The following CUBN variants were observed in gnomAD, a reference collection of about 807,000 sequenced individuals.
CUBN encodes the protein 460 kDa receptor.
In CUBN, 282 loss-of-function variants were observed where a neutral mutation model predicts 405.3. The ratio of observed to expected loss-of-function variants is 0.70; its 90% CI spans 0.63 to 0.77. The LOEUF is 0.77. CUBN is among the 30% of genes least tolerant of loss of function. The probability of loss-of-function intolerance (pLI) is 0.00; values close to 1 mark genes in which losing one functional copy is unlikely to be tolerated. For synonymous variants in CUBN, 1,684 were observed against 1,617.0 expected (o/e 1.04, Z -0.99); for missense variants, 4,514 against 4,475.2 (o/e 1.01, Z -0.25).
At chr10:17,041,691 T>C (rs1318078535) in intron 26 of CUBN, among the ~76,000 whole-genome samples, 1 of 152,086 alleles carries the variant, frequency 6.6e-6, no homozygotes, top group Non-Finnish European at 1.5e-5. Flanking sequence ...CAAAATCCTA[T>C]GGGAATGCTA....
intron 27 of CUBN, among the ~76,000 whole-genome samples, chr10:17,027,424 T>C (rs1323060218): frequency 1.3e-5 from 2 of 152,118 alleles, no homozygotes; most frequent in African/African-American, 4.8e-5. Context: ...CCTTCGAATA[T>C]TAAAATAAAA....
chr10:17,078,720 TG>T (rs1835906114), intron 17 of CUBN, among the ~76,000 whole-genome samples: 2 of 152,158 alleles, frequency 1.3e-5, no homozygotes, highest in Non-Finnish European at 1.5e-5. Flanking sequence ...CTATTACACA[TG>T]AGGAAGCTGT....
chr10:17,043,763 C>G, intron 26 of CUBN, 64 bp downstream of exon 26: 2 of 1,601,870 alleles, frequency 1.2e-6, no homozygotes, highest in Non-Finnish European at 1.7e-6. Flanking sequence ...TTCACACTTA[C>G]TCTGCTGGTA....
intron 27 of CUBN, among the ~76,000 whole-genome samples, chr10:17,023,276 G>C (rs1455315234): frequency 1.3e-5 from 2 of 150,986 alleles, no homozygotes; most frequent in Non-Finnish European, 2.9e-5. Context: ...CCTTTGGGGG[G>C]AGAAAATTAT....
rs201361280 is a variant in CUBN, at chr10:17,123,601, G to A, written c.476C>T (p.Pro159Leu). 4 of 1,613,138 alleles carry A rather than the reference G, an allele frequency of 2.5e-6. No homozygotes were observed. The African/African-American group carries it at 5.3e-5, about 22-fold the overall frequency. ...TAGATGACTCACCTTCCACTGTGGG[G>A]GACAGATACAAAAAAAGGAATCATG... ...NLHDSFFCICPPQWKGPLCSA... is the reference protein window; with the variant it reads ...NLHDSFFCICLPQWKGPLCSA... The change falls in exon 5 of 67, where the codon CCC becomes CTC. Residue 159 changes from proline (P) to leucine (L), a missense_variant. Pro to Leu is a moderately conservative substitution (Grantham distance 98). Coordinates refer to ENST00000377833, the MANE Select transcript of CUBN (RefSeq NM_001081.4).
intron 56 of CUBN, among the ~76,000 whole-genome samples, chr10:16,885,956 T>C (rs552737383): frequency 4.6e-5 from 7 of 152,350 alleles, no homozygotes; most frequent in East Asian, 1.9e-4. Flanking sequence ...TGACAACTCT[T>C]AATGTACTGG....
chr10:16,844,330 G>C (rs972097452), intron 60 of CUBN, among the ~76,000 whole-genome samples: 1 of 151,502 alleles, frequency 6.6e-6, no homozygotes, highest in African/African-American at 2.4e-5. Flanking sequence ...CAGCCAGACA[G>C]TAATAAATGC....
intron 55 of CUBN, among the ~76,000 whole-genome samples, chr10:16,889,938 A>AAAAAAAAAAAAAAAAAAAAAAACAAAC (rs1554788545): frequency 7.7e-6 from 1 of 129,440 alleles, no homozygotes; most frequent in African/African-American, 3.1e-5. Flanking sequence ...GCCGTGTCAA[A>AAAAAAAAAAAAAAAAAAAAAAACAAAC]AAAAAAAAAA....
chr10:17,016,978 T>C (rs1475723694), intron 28 of CUBN, among the ~76,000 whole-genome samples: 1 of 152,150 alleles, frequency 6.6e-6, no homozygotes. Flanking sequence ...CAGGTGGCCA[T>C]TTATCCCCAT....
At chr10:16,937,888 A>G (rs1196734519) in intron 38 of CUBN, 104 bp from the exon 39 acceptor site, 1 of 1,045,184 alleles carries the variant, frequency 9.6e-7, no homozygotes, top group African/African-American at 1.6e-5. Flanking sequence ...TTATCATAAC[A>G]AAAAAATGAC....
chr10:16,985,169 G>A (rs1474051626), intron 29 of CUBN, among the ~76,000 whole-genome samples: 5 of 152,242 alleles, frequency 3.3e-5, no homozygotes, highest in African/African-American at 1.2e-4. Flanking sequence ...CCCAGATGTT[G>A]CCTTTTGGCC....
chr10:16,999,284 A>T (rs1206229346), intron 28 of CUBN, among the ~76,000 whole-genome samples: 5 of 152,220 alleles, frequency 3.3e-5, no homozygotes, highest in African/African-American at 1.2e-4. Flanking sequence ...AAATCCAAAG[A>T]AGCCATAATT....
intron 10 of CUBN, among the ~76,000 whole-genome samples, chr10:17,106,791 G>A (rs2131303880): frequency 6.6e-6 from 1 of 152,258 alleles, no homozygotes; most frequent in South Asian, 2.1e-4. Flanking sequence ...GGCTTACACA[G>A]GCAGGCCACA....
chr10:16,981,980 TTAATAA>T (rs1208981758), intron 31 of CUBN, among the ~76,000 whole-genome samples: 1 of 152,208 alleles, frequency 6.6e-6, no homozygotes, highest in African/African-American at 2.4e-5. Flanking sequence ...TCCCAGATGC[TTAATAA>T]TAATAATTGA....
intron 28 of CUBN, among the ~76,000 whole-genome samples, chr10:16,999,413 G>T (rs533345481): frequency 1.3e-5 from 2 of 152,288 alleles, no homozygotes; most frequent in South Asian, 4.1e-4. Flanking sequence ...AACTTTATCA[G>T]TTTCCTTTTA....
intron 6 of CUBN, 94 bp downstream of exon 6, chr10:17,122,701 A>C (rs1837071267): frequency 2.6e-6 from 2 of 775,138 alleles, no homozygotes; most frequent in Admixed American, 2.1e-5. Flanking sequence ...TTTTGGTGGA[A>C]TACAGATAGT....
chr10:16,942,857 A>C (rs2131611845), intron 36 of CUBN, among the ~76,000 whole-genome samples: 1 of 113,954 alleles, frequency 8.8e-6, no homozygotes, highest in African/African-American at 4.2e-5. Flanking sequence ...GGGAAGGGGA[A>C]GGGAAAGGAA....
intron 31 of CUBN, among the ~76,000 whole-genome samples, chr10:16,980,577 A>G (rs1368380773): frequency 1.3e-5 from 2 of 152,178 alleles, no homozygotes; most frequent in Admixed American, 6.5e-5. Flanking sequence ...CATTCTCAGC[A>G]AACTAACACA....
intron 27 of CUBN, among the ~76,000 whole-genome samples, chr10:17,021,660 T>C (rs1022345111): frequency 2.6e-5 from 4 of 152,254 alleles, no homozygotes; most frequent in Non-Finnish European, 5.9e-5. Flanking sequence ...AAAAATGTTA[T>C]GACATGAAAT....
Sources: gnomAD v4.1 joint callset for allele counts (sites outside exome capture counted in the v4.1 genomes callset) on GRCh38, gnomAD v4.1.1 for gene constraint, MANE v1.5 for transcripts, NCBI Gene and HGNC (gene_info 2026-07-23, HGNC 2026-07-21) for gene names.